Variants in PCDHGA2 observed in about 807,000 individuals in gnomAD.
PCDHGA2 encodes the protein protocadherin gamma-A2.
In PCDHGA2, 40 loss-of-function variants were observed where a neutral mutation model predicts 59.2. The observed-to-expected ratio is 0.68, with a 90% CI of 0.52 to 0.88. PCDHGA2 has a LOEUF of 0.88. PCDHGA2 is among the 40% of genes least tolerant of loss of function. The pLI is 0.00. For missense variants in PCDHGA2, 1,226 were observed against 1,204.0 expected (o/e 1.02, Z -0.27); for synonymous variants, 560 against 526.0 (o/e 1.06, Z -0.89).
rs13436338 is a variant in PCDHGA2, at chr5:141,468,261, G to A, written c.2425-26546G>A. On this transcript the variant is annotated intron_variant, in intron 1 of 3. Coordinates refer to ENST00000394576, the MANE Select transcript of PCDHGA2 (RefSeq NM_018915.4). ...AATTGCCTGAACCTGGGAGGCAGAG[G>A]TTGTGGTGAGCCGAGACCACGCCAT... Among the ~76,000 whole-genome samples, 391 of 149,216 alleles carry A rather than the reference G, an allele frequency of 2.6e-3. 2 individuals are homozygous for A. Among genetic ancestry groups the A allele is most frequent in the African/African-American group, 9.3e-3 (377 of 40,498 alleles).
chr5:141,361,660 G>A (rs768286784), intron 1 of PCDHGA2: 5 of 1,613,636 alleles, frequency 3.1e-6, no homozygotes, highest in East Asian at 4.5e-5. Context: ...GTCCGTGAGC[G>A]CGCAGAGCGG....
chr5:141,380,433 A>C (rs1228885429), intron 1 of PCDHGA2, among the ~76,000 whole-genome samples: 1 of 152,256 alleles, frequency 6.6e-6, no homozygotes, highest in Non-Finnish European at 1.5e-5. Flanking sequence ...TAGACTTTAC[A>C]TAGAATTCTT....
At chr5:141,471,361 CT>C (rs2099255928) in intron 1 of PCDHGA2, 1 of 151,976 alleles carries the variant, frequency 6.6e-6, no homozygotes, top group Non-Finnish European at 1.5e-5. Flanking sequence ...TCCAAGCCCC[CT>C]ATTTTTATTT....
chr5:141,483,442 AATCATCAGGACTTGTTG>A (rs2099581330), intron 1 of PCDHGA2, among the ~76,000 whole-genome samples: 1 of 152,196 alleles, frequency 6.6e-6, no homozygotes, highest in Non-Finnish European at 1.5e-5. Context: ...ACTACAATAA[AATCATCAGGACTTGTTG>A]ATTGACATGA....
At chr5:141,406,382 G>C (rs189693155) in intron 1 of PCDHGA2, among the ~76,000 whole-genome samples, 1 of 152,114 alleles carries the variant, frequency 6.6e-6, no homozygotes, top group Non-Finnish European at 1.5e-5. Context: ...TGATAAAAAG[G>C]TAAATGTATT....
intron 1 of PCDHGA2, among the ~76,000 whole-genome samples, chr5:141,480,339 T>A (rs764049837): frequency 1.3e-4 from 20 of 152,010 alleles, no homozygotes; most frequent in Non-Finnish European, 2.4e-4. Context: ...TGCTTGAGCC[T>A]GGGAGGTTGA....
At chr5:141,475,329 A>G (rs1229101617) in intron 1 of PCDHGA2, among the ~76,000 whole-genome samples, 1 of 152,266 alleles carries the variant, frequency 6.6e-6, no homozygotes, top group Non-Finnish European at 1.5e-5. Context: ...AATGAGAGCT[A>G]ACAATGACAT....
rs9324847 is a variant in PCDHGA2, at chr5:141,376,094, A to C, written c.2424+34699A>C. The C allele has an allele frequency of 5.1e-3, 8,284 of 1,613,546 alleles. 340 individuals are homozygous for C. In the African/African-American group the frequency reaches 0.097, roughly 19 times the overall value. On this transcript the variant is annotated intron_variant, in intron 1 of 3. Transcript: ENST00000394576. ...GGCCGTGGCCGACAGGATCCCCGAC[A>C]TCCTGGCCGACCTGGGCAGCCTCGA...
At position 141,380,476 on chromosome 5, in the gene PCDHGA2, TC is replaced by T. The variant is rs534346627; in HGVS notation, c.2424+39084del. Among the ~76,000 whole-genome samples the T allele has an allele frequency of 1.1e-4, 16 of 152,316 alleles. No homozygotes were observed. The South Asian group carries it at 3.1e-3, about 30-fold the overall frequency. ...CAACCAAACAAATGGTCAGGATTCT[TC>T]CCAATATCTCAGTCAACAATAATAT... is the stretch of plus-strand genomic sequence containing the variant. On this transcript the variant is annotated intron_variant, in intron 1 of 3. Transcript: ENST00000394576.
At chr5:141,361,782 C>T (rs1762181637) in intron 1 of PCDHGA2, 3 of 1,613,242 alleles carry the variant, frequency 1.9e-6, no homozygotes, top group Non-Finnish European at 2.5e-6. Flanking sequence ...TGAGCCTGCG[C>T]GTGTTAGTGG....
rs780541121 is a variant in PCDHGA2 at position 141,477,533 on chromosome 5, G to T, written c.2425-17274G>T. ...TTACATTGAAGAAAACAACCTCCCCGGGGCTCCAATACTAAACCTAAGTGT... is the reference window on the plus strand; with the variant it reads ...TTACATTGAAGAAAACAACCTCCCCTGGGCTCCAATACTAAACCTAAGTGT... On this transcript the variant is annotated intron_variant, in intron 1 of 3. Coordinates refer to ENST00000394576, the MANE Select transcript of PCDHGA2 (RefSeq NM_018915.4). This position sits in a 1 kb window ranked among gnomAD's most constrained non-coding sequence, Gnocchi z 4.9. 6.2e-7 allele frequency: 1 copy of T among 1,614,010 alleles called. No homozygotes were observed. The highest frequency in any genetic ancestry group is 1.1e-5 in the South Asian group (1 of 91,066).
rs772446057 is a variant in PCDHGA2, at chr5:141,340,605, A to T, written c.1634A>T (p.Asn545Ile). 6 of 1,614,188 alleles carry T rather than the reference A, an allele frequency of 3.7e-6. No homozygotes were observed. The Middle Eastern group carries it at 6.6e-4, about 178-fold the overall frequency. Residue 545 changes from asparagine (N) to isoleucine (I), a missense_variant, in exon 1 of 4, where the codon AAT becomes ATT. Transcript: ENST00000394576. ...AGCGGGAACCCTCCACTCAGTAGCA[A>T]TGTATCATTAAGCCTGTTCGTGCTG... ...RDSGNPPLSS[N>I]VSLSLFVLDQ...
rs978973236 is a variant in PCDHGA2, at chr5:141,399,545, C to G, written c.2424+58150C>G. 8 of 1,614,050 alleles carry G rather than the reference C, an allele frequency of 5.0e-6. No homozygotes were observed. In the South Asian group the frequency reaches 6.6e-5, roughly 13 times the overall value. ...GCCTCCATCGCGCAAGTCTGCGCCT[C>G]GGACCTGGACTTGGGGTTGAACGGC... On this transcript the variant is annotated intron_variant, in intron 1 of 3. Transcript: ENST00000394576.
In PCDHGA2 at chr5:141,477,913, T is replaced by G; in HGVS notation, c.2425-16894T>G. ...CACGGGTGGTAGGCTGGGACGCGGA[T>G]GCAGGGCACAATGCCTGGCTCTCCT... On this transcript the variant is annotated intron_variant, in intron 1 of 3. Transcript: ENST00000394576. This position sits in a 1 kb window ranked among gnomAD's most constrained non-coding sequence, Gnocchi z 4.9. 6.2e-7 allele frequency: 1 copy of G among 1,614,190 alleles called. No individual in the cohort carries two copies. Among genetic ancestry groups the G allele is most frequent in the Non-Finnish European group, 8.5e-7 (1 of 1,180,024 alleles).
At chr5:141,400,459 G>C (rs1287515286) in intron 1 of PCDHGA2, 1 of 1,614,072 alleles carries the variant, frequency 6.2e-7, no homozygotes, top group Admixed American at 1.7e-5. Flanking sequence ...CATACTTTGT[G>C]GTGATTCATC....
At chr5:141,426,767 A>G (rs1219028777) in intron 1 of PCDHGA2, 1 of 456,548 alleles carries the variant, frequency 2.2e-6, no homozygotes, top group Admixed American at 2.3e-5. Flanking sequence ...ATGCAGATGT[A>G]GGGCCTCACT....
At chr5:141,443,447 C>T (rs1267862519) in intron 1 of PCDHGA2, among the ~76,000 whole-genome samples, 1 of 152,184 alleles carries the variant, frequency 6.6e-6, no homozygotes, top group African/African-American at 2.4e-5. Flanking sequence ...GGTTGCGCTC[C>T]TGTACTCCAG....
At chr5:141,457,412 C>A (rs2098919309) in intron 1 of PCDHGA2, among the ~76,000 whole-genome samples, 1 of 152,188 alleles carries the variant, frequency 6.6e-6, no homozygotes. Flanking sequence ...TCACATTACC[C>A]ATCCCTTTTT....
intron 1 of PCDHGA2, chr5:141,351,455 A>G (rs77250251): frequency 0.028 from 45,352 of 1,613,276 alleles, 717 homozygotes; most frequent in Middle Eastern, 0.09. Flanking sequence ...GAATTATTAC[A>G]AGCTGGTGAT....
Sources: gnomAD v4.1 joint callset for allele counts (sites outside exome capture counted in the v4.1 genomes callset) on GRCh38, gnomAD v4.1.1 for gene constraint, Gnocchi (gnomAD v3.1) non-coding constraint, MANE v1.5 for transcripts, NCBI Gene and HGNC (gene_info 2026-07-23, HGNC 2026-07-21) for gene names.